TMEM245: variants seen among roughly 807,000 people sequenced by gnomAD.
TMEM245 encodes protein CG-2.
Under a neutral mutation model 101.2 loss-of-function variants are expected in TMEM245, and 69 were observed. The observed-to-expected ratio is 0.68, with a 90% CI of 0.56 to 0.83. The LOEUF (loss-of-function observed/expected upper bound fraction) is 0.83, where lower values mean the gene tolerates loss of function less well. TMEM245 is among the 40% of genes least tolerant of loss of function. TMEM245 has a pLI of 0.00. For missense variants in TMEM245, 1,075 were observed against 1,092.8 expected (o/e 0.98, Z 0.23); for synonymous variants, 537 against 449.8 (o/e 1.19, Z -2.45).
chr9:109,021,970 A>G (rs1588011902), intron 17 of TMEM245, among the ~76,000 whole-genome samples: 1 of 152,352 alleles, frequency 6.6e-6, no homozygotes, highest in South Asian at 2.1e-4. Context: ...CTAAAAACTC[A>G]TAAAATAAAC....
At chr9:109,073,866 T>TTTG (rs963283757) in intron 8 of TMEM245, among the ~76,000 whole-genome samples, 9 of 149,078 alleles carry the variant, frequency 6.0e-5, no homozygotes, top group Non-Finnish European at 1.2e-4. Flanking sequence ...GTTTTTTTTT[T>TTTG]TTTTTTTTTA....
intron 17 of TMEM245, among the ~76,000 whole-genome samples, chr9:109,024,804 T>C (rs945248051): frequency 2.0e-5 from 3 of 152,142 alleles, no homozygotes; most frequent in Admixed American, 6.5e-5. Context: ...TCTGGAGAAG[T>C]AGAGAGAAGA....
chr9:109,068,253 C>T (rs915820175), intron 9 of TMEM245, among the ~76,000 whole-genome samples: 2 of 151,842 alleles, frequency 1.3e-5, no homozygotes, highest in African/African-American at 4.8e-5. Context: ...GCCTGTAGTC[C>T]CAGCTACTCG....
Position 109,071,890 on chromosome 9 carries a change from A to G in TMEM245, c.1532+1466T>C, listed in dbSNP as rs548970941. Among the ~76,000 whole-genome samples the G allele has an allele frequency of 3.3e-5, 5 of 152,198 alleles. No individual in the cohort carries two copies. The South Asian group carries it at 1.0e-3, about 32-fold the overall frequency. On this transcript the variant is annotated intron_variant, in intron 9 of 17. Transcript: ENST00000374586. ...AAGCCAAATTACACAGAGATCCTAT[A>G]AAACAGAAGTTGGCAAATTTTTCTG... is the stretch of plus-strand genomic sequence containing the variant.
intron 3 of TMEM245, among the ~76,000 whole-genome samples, chr9:109,097,082 G>T (rs1271011409): frequency 6.6e-6 from 1 of 152,202 alleles, no homozygotes; most frequent in South Asian, 2.1e-4. Context: ...ATGCAGGGAG[G>T]TCTGGGAAGG....
At chr9:109,041,429 T>G (rs1828301414) in intron 14 of TMEM245, among the ~76,000 whole-genome samples, 1 of 149,418 alleles carries the variant, frequency 6.7e-6, no homozygotes, top group Non-Finnish European at 1.5e-5. Context: ...AAGTAGAGAG[T>G]AGGATGTGGT....
chr9:109,024,344 A>G (rs982726205), intron 17 of TMEM245, among the ~76,000 whole-genome samples: 4 of 152,220 alleles, frequency 2.6e-5, no homozygotes, highest in Non-Finnish European at 5.9e-5. Context: ...ATCGTCTTTT[A>G]TCAGCCTCAA....
At chr9:109,082,766 A>T (rs1829704379) in intron 7 of TMEM245, among the ~76,000 whole-genome samples, 1 of 152,166 alleles carries the variant, frequency 6.6e-6, no homozygotes, top group South Asian at 2.1e-4. Flanking sequence ...ATTCAAAAAC[A>T]TATTAGGTAC....
intron 1 of TMEM245, among the ~76,000 whole-genome samples, chr9:109,115,423 T>TA (rs893282991): frequency 8.7e-5 from 13 of 149,496 alleles, no homozygotes; most frequent in African/African-American, 2.9e-4. Flanking sequence ...GAAAACTGCA[T>TA]AGATATAAAA....
chr9:109,021,012 C>A (rs1000848214), intron 17 of TMEM245, among the ~76,000 whole-genome samples: 5 of 152,180 alleles, frequency 3.3e-5, no homozygotes, highest in African/African-American at 1.2e-4. Flanking sequence ...TGGGTTAGGT[C>A]TTTTCATCAA....
At chr9:109,104,671 C>G (rs1194569646) in intron 3 of TMEM245, among the ~76,000 whole-genome samples, 1 of 152,142 alleles carries the variant, frequency 6.6e-6, no homozygotes, top group Non-Finnish European at 1.5e-5. Context: ...AATGTGTTAA[C>G]TGACATTAAG....
At chr9:109,060,505 T>A in intron 10 of TMEM245, 53 bp from the exon 11 acceptor site, 1 of 1,218,084 alleles carries the variant, frequency 8.2e-7, no homozygotes, top group Non-Finnish European at 1.2e-6. Flanking sequence ...AACAACAGAG[T>A]AAAATTAATA....
intron 14 of TMEM245, among the ~76,000 whole-genome samples, chr9:109,049,873 T>C (rs1828619401): frequency 6.6e-6 from 1 of 152,126 alleles, no homozygotes; most frequent in Non-Finnish European, 1.5e-5. Context: ...CAGCTCACTG[T>C]AACCTCAAGT....
At chr9:109,082,160 G>A (rs975056060) in intron 7 of TMEM245, among the ~76,000 whole-genome samples, 4 of 152,116 alleles carry the variant, frequency 2.6e-5, no homozygotes, top group African/African-American at 9.7e-5. Context: ...TTCACTTGAC[G>A]TTTATAAGCT....
At chr9:109,112,716 T>C (rs969989779) in intron 1 of TMEM245, among the ~76,000 whole-genome samples, 37 of 152,092 alleles carry the variant, frequency 2.4e-4, no homozygotes, top group African/African-American at 8.2e-4. Flanking sequence ...GACAAAGAAA[T>C]GAATTTAGGA....
intron 2 of TMEM245, among the ~76,000 whole-genome samples, chr9:109,106,842 G>A (rs1158190155): frequency 6.6e-6 from 1 of 152,080 alleles, no homozygotes; most frequent in Non-Finnish European, 1.5e-5. Flanking sequence ...GTACATGCCT[G>A]CCTACCTTTA....
chr9:109,057,543 G>C (rs1201283367), intron 11 of TMEM245, among the ~76,000 whole-genome samples: 1 of 152,128 alleles, frequency 6.6e-6, no homozygotes, highest in Admixed American at 6.5e-5. Flanking sequence ...ACAAGGTCAG[G>C]AGTTTGAGAC....
At chr9:109,071,457 A>G (rs1426604939) in intron 9 of TMEM245, among the ~76,000 whole-genome samples, 2 of 151,810 alleles carry the variant, frequency 1.3e-5, no homozygotes, top group Admixed American at 6.6e-5. Flanking sequence ...TATAAAAATT[A>G]GCCGAGTATA....
At chr9:109,093,415 A>ATTTT in intron 4 of TMEM245, 60 bp downstream of exon 4, 1 of 1,410,972 alleles carries the variant, frequency 7.1e-7, no homozygotes, top group Non-Finnish European at 9.9e-7. Flanking sequence ...CCTGAATTTT[A>ATTTT]CTTTCTATGT....
Sources: allele counts gnomAD v4.1 joint callset (sites outside exome capture counted in the v4.1 genomes callset), GRCh38; gene constraint gnomAD v4.1.1; transcripts MANE v1.5; gene names NCBI Gene and HGNC (gene_info 2026-07-23, HGNC 2026-07-21).